VAT1L: variants seen among roughly 807,000 people sequenced by gnomAD.
The protein encoded by VAT1L is vesicle amine transport 1 like.
In VAT1L, 34 loss-of-function variants were observed where a neutral mutation model predicts 44.1. The observed-to-expected ratio is 0.77, with a 90% CI of 0.59 to 1.03. The LOEUF (loss-of-function observed/expected upper bound fraction) is 1.03, where lower values mean the gene tolerates loss of function less well. Ranked by LOEUF, VAT1L falls within the 50% of genes least tolerant of loss-of-function variation. VAT1L has a pLI of 0.00. For missense variants in VAT1L, 615 were observed against 538.8 expected (o/e 1.14, Z -1.40); for synonymous variants, 253 against 202.2 (o/e 1.25, Z -2.13).
intron 2 of VAT1L, among the ~76,000 whole-genome samples, chr16:77,821,913 A>G (rs1048854871): frequency 1.3e-5 from 2 of 152,190 alleles, no homozygotes; most frequent in African/African-American, 4.8e-5. Flanking sequence ...TTTTCCTGAA[A>G]GAAAGACAGC....
At chr16:77,928,341 T>C (rs967289780) in intron 7 of VAT1L, among the ~76,000 whole-genome samples, 1 of 152,230 alleles carries the variant, frequency 6.6e-6, no homozygotes, top group African/African-American at 2.4e-5. Context: ...ACTCAGCTGT[T>C]TGCTAATCCT....
chr16:77,966,160 G>C (rs776308987), intron 7 of VAT1L, among the ~76,000 whole-genome samples: 1 of 152,078 alleles, frequency 6.6e-6, no homozygotes, highest in Non-Finnish European at 1.5e-5. Context: ...TACATTTCTT[G>C]ACGTGGTTAA....
At chr16:77,844,817 A>G (rs1439435681) in intron 3 of VAT1L, among the ~76,000 whole-genome samples, 1 of 151,566 alleles carries the variant, frequency 6.6e-6, no homozygotes, top group Non-Finnish European at 1.5e-5. Flanking sequence ...ACACACAAAC[A>G]TATACACATA....
intron 1 of VAT1L, among the ~76,000 whole-genome samples, chr16:77,807,266 T>A (rs1254740115): frequency 6.6e-6 from 1 of 152,062 alleles, no homozygotes; most frequent in Admixed American, 6.6e-5. Flanking sequence ...CAGTGCTCAC[T>A]CCCCCAGCTA....
intron 7 of VAT1L, among the ~76,000 whole-genome samples, chr16:77,931,809 T>C (rs897364869): frequency 2.6e-5 from 4 of 152,226 alleles, no homozygotes; most frequent in African/African-American, 4.8e-5. Context: ...TTAGTAGGGT[T>C]AGTAGTAATT....
intron 7 of VAT1L, chr16:77,892,842 C>T (rs919672607): frequency 5.6e-6 from 5 of 889,490 alleles, no homozygotes; most frequent in Non-Finnish European, 9.5e-6. Flanking sequence ...ATTGTGGAGG[C>T]CATGGAGTGC....
intron 3 of VAT1L, among the ~76,000 whole-genome samples, chr16:77,841,652 G>GGGCT (rs1187423825): frequency 6.6e-6 from 1 of 152,128 alleles, no homozygotes; most frequent in East Asian, 1.9e-4. Flanking sequence ...TTTTTAGAGT[G>GGGCT]GGCTTCATTG....
At chr16:77,965,391 C>A (rs1032806226) in intron 7 of VAT1L, among the ~76,000 whole-genome samples, 1 of 152,292 alleles carries the variant, frequency 6.6e-6, no homozygotes, top group East Asian at 1.9e-4. Flanking sequence ...TGCCACCATG[C>A]ACTTGGGATG....
intron 3 of VAT1L, among the ~76,000 whole-genome samples, chr16:77,861,010 C>T (rs9929101): frequency 6.6e-5 from 10 of 152,296 alleles, no homozygotes; most frequent in African/African-American, 2.4e-4. Context: ...TAACCTTAAC[C>T]TTTCTGAATG....
At chr16:77,819,935 A>G (rs1362191261) in intron 2 of VAT1L, among the ~76,000 whole-genome samples, 1 of 152,216 alleles carries the variant, frequency 6.6e-6, no homozygotes, top group East Asian at 1.9e-4. Flanking sequence ...CACCATGTTA[A>G]GTGCGTTGGG....
intron 3 of VAT1L, among the ~76,000 whole-genome samples, chr16:77,851,191 CTG>C (rs2016805009): frequency 6.6e-6 from 1 of 152,202 alleles, no homozygotes; most frequent in Admixed American, 6.5e-5. Context: ...TCACACAAAA[CTG>C]TGGTAGGGTA....
intron 4 of VAT1L, among the ~76,000 whole-genome samples, chr16:77,872,543 C>G (rs1337831294): frequency 6.6e-6 from 1 of 152,132 alleles, no homozygotes; most frequent in African/African-American, 2.4e-5. Context: ...TCCGTGTGGT[C>G]CAACTCCCAC....
At position 77,812,272 on chromosome 16, in the gene VAT1L, C is replaced by T. The variant is rs1407976850; in HGVS notation, c.234-4649C>T. On this transcript the variant is annotated intron_variant, in intron 1 of 8. Transcript: ENST00000302536. ...ATTTTTAGTAGAGATAGGGTTTCAC[C>T]GTGTTGGCCAGGCTGGTCTCGAACT... is the stretch of plus-strand genomic sequence containing the variant. 2.6e-5 allele frequency among the ~76,000 whole-genome samples: 4 copies of T among 152,048 alleles called. No homozygotes were observed. The East Asian group carries it at 7.7e-4, about 29-fold the overall frequency.
chr16:77,945,651 A>T (rs1350402992), intron 7 of VAT1L, among the ~76,000 whole-genome samples: 1 of 152,078 alleles, frequency 6.6e-6, no homozygotes, highest in African/African-American at 2.4e-5. Flanking sequence ...CAACAGAGAC[A>T]TTTAAAACCA....
chr16:77,951,044 G>A (rs924093945), intron 7 of VAT1L, among the ~76,000 whole-genome samples: 2 of 152,116 alleles, frequency 1.3e-5, no homozygotes, highest in Non-Finnish European at 2.9e-5. Context: ...CAGCGCCCGC[G>A]GTCTTGGCAA....
intron 7 of VAT1L, among the ~76,000 whole-genome samples, chr16:77,917,778 G>C (rs1046030511): frequency 6.6e-6 from 1 of 152,176 alleles, no homozygotes; most frequent in Admixed American, 6.5e-5. Context: ...GTACACTAAA[G>C]AGGAATAAGG....
intron 7 of VAT1L, among the ~76,000 whole-genome samples, chr16:77,946,850 TC>T (rs2017974026): frequency 6.6e-6 from 1 of 152,110 alleles, no homozygotes; most frequent in Non-Finnish European, 1.5e-5. Context: ...CCATTTGAGA[TC>T]CCAGTGAAGC....
intron 7 of VAT1L, among the ~76,000 whole-genome samples, chr16:77,969,323 C>T (rs400982): frequency 0.23 from 34,940 of 151,856 alleles, 4,499 homozygotes; most frequent in South Asian, 0.31. Flanking sequence ...CTAGCCCTCA[C>T]TCAGGACAGA....
At chr16:77,816,502 G>A (rs1420699356) in intron 1 of VAT1L, among the ~76,000 whole-genome samples, 3 of 152,136 alleles carry the variant, frequency 2.0e-5, no homozygotes, top group Non-Finnish European at 4.4e-5. Context: ...ATTAGGTCTG[G>A]CTGCTTTCCA....
Sources: allele counts gnomAD v4.1 joint callset (sites outside exome capture counted in the v4.1 genomes callset), GRCh38; gene constraint gnomAD v4.1.1; transcripts MANE v1.5; gene names NCBI Gene and HGNC (gene_info 2026-07-23, HGNC 2026-07-21).